Variants in SHROOM3 observed in about 807,000 individuals in gnomAD.
SHROOM3 encodes protein Shroom3.
In SHROOM3, 47 loss-of-function variants were observed where a neutral mutation model predicts 138.6. That is an observed-to-expected ratio of 0.34 (90% CI 0.27 to 0.43). SHROOM3 has a LOEUF of 0.43. Ranked by LOEUF, SHROOM3 falls within the 20% of genes least tolerant of loss-of-function variation. SHROOM3 has a pLI of 1.00. For synonymous variants in SHROOM3, 1,062 were observed against 1,063.3 expected, an observed-to-expected ratio of 1.00 and a Z score of 0.02; for missense variants, 2,491 against 2,596.5, an observed-to-expected ratio of 0.96 and a Z score of 0.88.
chr4:76,473,810 C>T (rs1731427561), intron 1 of SHROOM3, among the ~76,000 whole-genome samples: 1 of 151,976 alleles, frequency 6.6e-6, no homozygotes, highest in Admixed American at 6.6e-5. Flanking sequence ...AAAGGACAGA[C>T]AATAAAAAGT....
chr4:76,619,562 G>A (rs1194213531), intron 2 of SHROOM3, among the ~76,000 whole-genome samples: 1 of 152,158 alleles, frequency 6.6e-6, no homozygotes, highest in Non-Finnish European at 1.5e-5. Context: ...GTGAAAGCAA[G>A]CAGTAAAAGA....
In SHROOM3 at chr4:76,754,470, A is replaced by G. The variant is rs781058366; in HGVS notation, c.3987A>G (p.Thr1329=). The G allele has an allele frequency of 1.2e-6, 2 of 1,614,068 alleles. No individual in the cohort carries two copies. The highest frequency in any genetic ancestry group is 2.2e-5 in the South Asian group (2 of 91,070). ...ACCATCAGAGGCAAGCCAGTAGGAC[A>G]CCCTGCCCCAGGCCACCACTGGCAG... The part of the protein sequence containing the change: ...TLDHQRQASR[T]PCPRPPLAGT... The change falls in exon 7 of 11, where the codon ACA becomes ACG. Residue 1329 remains threonine (T), a synonymous_variant. Transcript: ENST00000296043.
At chr4:76,599,225 A>G (rs1734453189) in intron 2 of SHROOM3, among the ~76,000 whole-genome samples, 2 of 152,206 alleles carry the variant, frequency 1.3e-5, no homozygotes, top group Admixed American at 1.3e-4. Flanking sequence ...CGTTCTTTAT[A>G]TAATCACGGT....
intron 2 of SHROOM3, among the ~76,000 whole-genome samples, chr4:76,636,017 A>G (rs1735485257): frequency 6.6e-6 from 1 of 152,186 alleles, no homozygotes; most frequent in Non-Finnish European, 1.5e-5. Flanking sequence ...CTTCATGACC[A>G]AGAATTGGGA....
intron 2 of SHROOM3, among the ~76,000 whole-genome samples, chr4:76,689,859 G>A (rs780910657): frequency 1.1e-4 from 17 of 152,188 alleles, no homozygotes; most frequent in Admixed American, 1.3e-4. Context: ...GCTGATGGGG[G>A]CAGGTGGCGT....
chr4:76,722,931 T>C (rs752801850), intron 3 of SHROOM3, among the ~76,000 whole-genome samples: 4 of 152,040 alleles, frequency 2.6e-5, no homozygotes, highest in Non-Finnish European at 5.9e-5. Flanking sequence ...GTAACTTTTA[T>C]TTTGTGGTGC....
chr4:76,758,903 A>G (rs1368565275), intron 8 of SHROOM3, among the ~76,000 whole-genome samples: 2 of 152,228 alleles, frequency 1.3e-5, no homozygotes, highest in Non-Finnish European at 2.9e-5. Context: ...ACTACTAGAT[A>G]GCAGGTTTCT....
At chr4:76,462,943 C>T (rs377139394) in intron 1 of SHROOM3, among the ~76,000 whole-genome samples, 12 of 152,152 alleles carry the variant, frequency 7.9e-5, no homozygotes, top group South Asian at 2.1e-4. Flanking sequence ...TATAGCAGTG[C>T]GAGAATGGAC....
At position 76,740,096 on chromosome 4, in the gene SHROOM3, G is replaced by T; in HGVS notation, c.1923G>T (p.Arg641Ser). 1 of 1,613,756 alleles carries T rather than the reference G, an allele frequency of 6.2e-7. No individual in the cohort carries two copies. The highest frequency in any genetic ancestry group is 8.5e-7 in the Non-Finnish European group (1 of 1,180,040). ...QEDHNANLWR[R>S]LEREGLGQSL... The stretch of plus-strand genomic sequence containing the variant: ...ACCACAATGCCAACCTCTGGAGGAG[G>T]CTGGAGAGAGAAGGCCTAGGCCAGA... The change falls in exon 5 of 11, where the codon AGG becomes AGT. Residue 641 changes from arginine (R) to serine (S), a missense_variant. This residue lies in a region of SHROOM3 where 1,733 missense variants were observed against 1,661.6 expected (regional missense o/e 1.04). Coordinates refer to ENST00000296043, the MANE Select transcript of SHROOM3 (RefSeq NM_020859.4). The surrounding 1 kb of genome is among the most constrained non-coding windows in gnomAD (Gnocchi z 4.0).
At chr4:76,480,380 C>A (rs1189576523) in intron 1 of SHROOM3, among the ~76,000 whole-genome samples, 3 of 152,020 alleles carry the variant, frequency 2.0e-5, no homozygotes, top group Non-Finnish European at 4.4e-5. Flanking sequence ...CAACAAAGAT[C>A]AAAAAAGACA....
chr4:76,483,841 A>C (rs959174573), intron 1 of SHROOM3, among the ~76,000 whole-genome samples: 1 of 152,208 alleles, frequency 6.6e-6, no homozygotes, highest in Non-Finnish European at 1.5e-5. Flanking sequence ...TGTCCTTTGC[A>C]GGGGCATGGA....
chr4:76,567,438 C>A (rs777457289), intron 2 of SHROOM3, among the ~76,000 whole-genome samples: 17 of 152,082 alleles, frequency 1.1e-4, no homozygotes, highest in Non-Finnish European at 1.9e-4. Context: ...ATCATGAGGT[C>A]AGGAGATCAA....
chr4:76,481,868 G>C (rs542829845), intron 1 of SHROOM3, among the ~76,000 whole-genome samples: 1 of 152,088 alleles, frequency 6.6e-6, no homozygotes, highest in Non-Finnish European at 1.5e-5. Context: ...ATCAATAAAC[G>C]TAGTCCATCA....
chr4:76,686,432 CTAGA>C (rs1719340016), intron 2 of SHROOM3, among the ~76,000 whole-genome samples: 1 of 152,024 alleles, frequency 6.6e-6, no homozygotes, highest in Non-Finnish European at 1.5e-5. Context: ...TGTATGATTT[CTAGA>C]TATAGTCTTT....
intron 3 of SHROOM3, among the ~76,000 whole-genome samples, chr4:76,721,463 C>T (rs947681321): frequency 8.5e-5 from 13 of 152,078 alleles, no homozygotes; most frequent in African/African-American, 2.9e-4. Flanking sequence ...TATATGCATA[C>T]GGTGGAGTAC....
In SHROOM3 at chr4:76,759,628, A is replaced by G. The variant is rs780670801; in HGVS notation, c.5282A>G (p.Asn1761Ser). 1 of 1,614,224 alleles carries G rather than the reference A, an allele frequency of 6.2e-7. No homozygotes were observed. The highest frequency in any genetic ancestry group is 8.5e-7 in the Non-Finnish European group (1 of 1,180,046). The change falls in exon 9 of 11, where the codon AAC becomes AGC. Residue 1761 changes from asparagine to serine, a missense_variant. Transcript: ENST00000296043. ...TCTGCTCCCAAGGCTGAGCTACTGA[A>G]CAAAATCAAAGAGATGCCAGCAGAA... ...SVSAPKAELL[N>S]KIKEMPAEVN...
chr4:76,583,119 G>A (rs534682950), intron 2 of SHROOM3, among the ~76,000 whole-genome samples: 1 of 152,306 alleles, frequency 6.6e-6, no homozygotes, highest in Non-Finnish European at 1.5e-5. Context: ...ACAAGATGGG[G>A]CTGTGGGCAG....
chr4:76,722,083 A>G (rs1453016164), intron 3 of SHROOM3, among the ~76,000 whole-genome samples: 1 of 152,100 alleles, frequency 6.6e-6, no homozygotes, highest in Non-Finnish European at 1.5e-5. Context: ...GCAGTACGCT[A>G]TGATCATGCC....
intron 3 of SHROOM3, among the ~76,000 whole-genome samples, chr4:76,715,830 A>G (rs557080071): frequency 1.3e-5 from 2 of 152,308 alleles, no homozygotes; most frequent in Non-Finnish European, 2.9e-5. Flanking sequence ...AGTACATCTT[A>G]GGAAGATGCG....
Sources: allele counts gnomAD v4.1 joint callset (sites outside exome capture counted in the v4.1 genomes callset), GRCh38; gene constraint gnomAD v4.1.1; regional missense constraint gnomAD v4.1.1; non-coding constraint Gnocchi (gnomAD v3.1); transcripts MANE v1.5; gene names NCBI Gene and HGNC (gene_info 2026-07-23, HGNC 2026-07-21).